The following EPB41L2 variants were observed in gnomAD, a reference collection of about 807,000 sequenced individuals.
EPB41L2 encodes the protein band 4.1-like protein 2.
EPB41L2 carries 43 observed loss-of-function variants against 113.0 expected under a neutral mutation model. The observed-to-expected ratio is 0.38, with a 90% CI of 0.30 to 0.49. The LOEUF is 0.49. Ranked by LOEUF, EPB41L2 falls within the 20% of genes least tolerant of loss-of-function variation. EPB41L2 has a pLI of 0.95. For synonymous variants in EPB41L2, 442 were observed against 436.7 expected, an observed-to-expected ratio of 1.01 and a Z score of -0.15; for missense variants, 1,147 against 1,223.4, an observed-to-expected ratio of 0.94 and a Z score of 0.93.
At chr6:130,885,054 A>C in intron 12 of EPB41L2, 42 bp downstream of exon 12, 3 of 1,600,482 alleles carry the variant, frequency 1.9e-6, no homozygotes, top group Non-Finnish European at 2.6e-6. Context: ...CCTCTAGGTT[A>C]AGTAAATGTT....
At chr6:130,992,433 T>C (rs1782097214) in intron 1 of EPB41L2, among the ~76,000 whole-genome samples, 1 of 152,058 alleles carries the variant, frequency 6.6e-6, no homozygotes, top group South Asian at 2.1e-4. Context: ...TTGTGGTAGG[T>C]AGTCAATGGA....
intron 1 of EPB41L2, among the ~76,000 whole-genome samples, chr6:131,023,284 C>T (rs1436781471): frequency 2.6e-5 from 4 of 152,122 alleles, no homozygotes; most frequent in Non-Finnish European, 5.9e-5. Context: ...AGGATGTCAA[C>T]GGCCTAATTT....
At chr6:130,849,755 C>T (rs904817599) in intron 19 of EPB41L2, among the ~76,000 whole-genome samples, 1 of 152,154 alleles carries the variant, frequency 6.6e-6, no homozygotes, top group Non-Finnish European at 1.5e-5. Flanking sequence ...AAAGAAGGTT[C>T]TTTCCTCACA....
chr6:130,863,531 A>G (rs1042160212), intron 18 of EPB41L2, 107 bp downstream of exon 18: 1 of 724,566 alleles, frequency 1.4e-6, no homozygotes, highest in East Asian at 2.6e-5. Flanking sequence ...GACTTCATCC[A>G]GGAGGTTTGG....
intron 6 of EPB41L2, 56 bp from the exon 7 acceptor site, chr6:130,901,236 G>A: frequency 2.0e-6 from 3 of 1,500,002 alleles, no homozygotes; most frequent in Middle Eastern, 2.3e-4. Flanking sequence ...TGAGATTGGA[G>A]CACTCACAGT....
chr6:130,927,232 T>C (rs982645614), intron 3 of EPB41L2, among the ~76,000 whole-genome samples: 8 of 152,158 alleles, frequency 5.3e-5, no homozygotes, highest in African/African-American at 1.9e-4. Context: ...TCCTAGAAAA[T>C]GATATGGTGT....
chr6:131,015,728 A>G (rs1788038520), intron 1 of EPB41L2: 2 of 152,322 alleles, frequency 1.3e-5, no homozygotes, highest in African/African-American at 2.4e-5. Context: ...ACCTACATTC[A>G]ACTAATATTT....
In EPB41L2 at chr6:130,908,858, C is replaced by A. The variant is rs2128510559; in HGVS notation, c.816G>T (p.Trp272Cys). ...LFQESPEQKN[W>C]LDPAKEIKRQ... ...TCTTTATTTCTTTAGCAGGATCTAACCAGTTCTGCATGAGGGAAAAAAATT... is the reference window on the plus strand; with the variant it reads ...TCTTTATTTCTTTAGCAGGATCTAAACAGTTCTGCATGAGGGAAAAAAATT... Residue 272 changes from tryptophan (W) to cysteine (C), a missense_variant, in exon 5 of 20, where the codon TGG becomes TGT. Transcript: ENST00000337057. 6.2e-7 allele frequency: 1 copy of A among 1,603,494 alleles called. No individual in the cohort carries two copies. The highest frequency in any genetic ancestry group is 8.5e-7 in the Non-Finnish European group (1 of 1,173,118).
At chr6:130,941,294 C>G (rs1264764261) in intron 3 of EPB41L2, among the ~76,000 whole-genome samples, 1 of 152,124 alleles carries the variant, frequency 6.6e-6, no homozygotes, top group Non-Finnish European at 1.5e-5. Flanking sequence ...TCACTTTAAA[C>G]AGCAAGACTT....
intron 1 of EPB41L2, among the ~76,000 whole-genome samples, chr6:130,975,891 G>A (rs1778080397): frequency 6.6e-6 from 1 of 152,132 alleles, no homozygotes; most frequent in African/African-American, 2.4e-5. Flanking sequence ...AGCTGGGCGC[G>A]GTGGCATGTG....
rs146799187 is a variant in EPB41L2, at chr6:130,982,714, A to C, written c.-14-26215T>G. 6.2e-3 allele frequency among the ~76,000 whole-genome samples: 942 copies of C among 152,336 alleles called. 11 individuals carry two copies. Among genetic ancestry groups the C allele is most frequent in the African/African-American group, 0.022 (908 of 41,584 alleles). On this transcript the variant is annotated intron_variant, in intron 1 of 19. Coordinates refer to ENST00000337057, the MANE Select transcript of EPB41L2 (RefSeq NM_001431.4). ...TTGTTTTGAAGAAAATATTTTACTA[A>C]TAATAAAAGACCTATCTACCTGGTG...
chr6:131,023,418 C>G (rs1789978534), intron 1 of EPB41L2, among the ~76,000 whole-genome samples: 1 of 152,156 alleles, frequency 6.6e-6, no homozygotes, highest in South Asian at 2.1e-4. Context: ...GGCACGGTGG[C>G]TCACGCCTGT....
In EPB41L2 at chr6:130,865,559, TTGTTGACACGG is replaced by T; in HGVS notation, c.2795_2805del (p.Ser932TyrfsTer16). ...ACCTTGGTGATGTGTGTGGTTGTCG[TTGTTGACACGG>T]ACTCAGATGTGATGGTTTGTGCGGT... is the stretch of plus-strand genomic sequence containing the variant. On this transcript the variant is annotated frameshift_variant, in exon 17 of 20. Transcript: ENST00000337057. LOFTEE classifies it high-confidence loss of function. 6.2e-7 allele frequency: 1 copy of T among 1,614,170 alleles called. No individual in the cohort carries two copies.
At chr6:130,892,437 G>A (rs1057161644) in intron 10 of EPB41L2, among the ~76,000 whole-genome samples, 4 of 70,048 alleles carry the variant, frequency 5.7e-5, no homozygotes, top group African/African-American at 1.5e-4. Context: ...TTATGTGACA[G>A]GGAAAGCTGT....
chr6:130,921,227 C>T (rs751461347), intron 4 of EPB41L2, among the ~76,000 whole-genome samples: 1 of 152,172 alleles, frequency 6.6e-6, no homozygotes, highest in Non-Finnish European at 1.5e-5. Flanking sequence ...TCGCTCCACA[C>T]CATCAACAGG....
intron 1 of EPB41L2, among the ~76,000 whole-genome samples, chr6:130,960,547 G>A (rs1158422493): frequency 6.6e-6 from 1 of 152,064 alleles, no homozygotes; most frequent in Non-Finnish European, 1.5e-5. Flanking sequence ...AGGGTTAAGA[G>A]CCTCAAAAGT....
chr6:130,989,237 C>A lies in EPB41L2; in HGVS notation c.-14-32738G>T, dbSNP rs538802577. On this transcript the variant is annotated intron_variant, in intron 1 of 19. Coordinates refer to ENST00000337057, the MANE Select transcript of EPB41L2 (RefSeq NM_001431.4). ...ATGTGATAACTGCCTTAGGTACACA[C>A]ACCTAATACATACTCTTCTGAACAA... 1.5e-4 allele frequency among the ~76,000 whole-genome samples: 23 copies of A among 152,310 alleles called. No homozygotes were observed. The East Asian group carries it at 4.0e-3, about 27-fold the overall frequency.
chr6:130,966,835 A>T (rs962074790), intron 1 of EPB41L2, among the ~76,000 whole-genome samples: 2 of 152,132 alleles, frequency 1.3e-5, no homozygotes, highest in Non-Finnish European at 2.9e-5. Flanking sequence ...TAGCCACACA[A>T]ATGAACATCG....
intron 17 of EPB41L2, among the ~76,000 whole-genome samples, chr6:130,864,892 T>C (rs889599029): frequency 2.0e-5 from 3 of 152,104 alleles, no homozygotes; most frequent in Non-Finnish European, 4.4e-5. Flanking sequence ...TAGTGGAAAA[T>C]AAGGCTGGAG....
Sources: gnomAD v4.1 joint callset for allele counts (sites outside exome capture counted in the v4.1 genomes callset) on GRCh38, gnomAD v4.1.1 for gene constraint, MANE v1.5 for transcripts, NCBI Gene and HGNC (gene_info 2026-07-23, HGNC 2026-07-21) for gene names.